ZNF146: variants seen among roughly 807,000 people sequenced by gnomAD.
The protein encoded by ZNF146 is zinc finger protein OZF.
A neutral mutation model predicts 22.2 loss-of-function variants in ZNF146; 9 were observed. The observed-to-expected ratio is 0.41, with a 90% confidence interval of 0.24 to 0.71. The LOEUF (loss-of-function observed/expected upper bound fraction) is 0.71. Ranked by LOEUF, ZNF146 falls within the 30% of genes least tolerant of loss-of-function variation. ZNF146 has a pLI of 0.34. For missense variants in ZNF146, 194 were observed against 344.8 expected (o/e 0.56, Z 3.46); for synonymous variants, 108 against 119.2 (o/e 0.91, Z 0.61).
rs1287567154 is a variant in ZNF146, at chr19:36,238,048, T to G, written c.*729T>G. The G allele has an allele frequency of 6.0e-6, 1 of 167,126 alleles. No individual in the cohort carries two copies. Among genetic ancestry groups the G allele is most frequent in the African/African-American group, 2.4e-5 (1 of 41,468 alleles). The allele number at this position is 167,126 out of a possible 1,614,324, so 10.4% of individuals were successfully genotyped here. ...CTCAGGAAATACGCACTAGGATATTTACTGTGGCTTGATTTGTAGTAGCCA... is the reference window on the plus strand; with the variant it reads ...CTCAGGAAATACGCACTAGGATATTGACTGTGGCTTGATTTGTAGTAGCCA... On this transcript the variant is annotated 3_prime_UTR_variant, in exon 4 of 4. Transcript: ENST00000443387.
chr19:36,228,859 A>C (rs1412572894), intron 3 of ZNF146, 40 bp downstream of exon 3: 1 of 152,318 alleles, frequency 6.6e-6, no homozygotes, highest in Admixed American at 6.5e-5. Flanking sequence ...TTCAGTCAGC[A>C]TTGAGTCCTC....
chr19:36,218,578 G>A (rs558404550), intron 2 of ZNF146, among the ~76,000 whole-genome samples: 1 of 151,158 alleles, frequency 6.6e-6, no homozygotes, highest in East Asian at 1.9e-4. Context: ...CCATTCTCCC[G>A]CCTCAGCCTC....
At chr19:36,216,863 T>TATAATCCCAGCACTTTAG in intron 1 of ZNF146, among the ~76,000 whole-genome samples, 1 of 39,500 alleles carries the variant, frequency 2.5e-5, no homozygotes, top group Non-Finnish European at 5.5e-5. Context: ...GGCTCACACC[T>TATAATCCCAGCACTTTAG]GTGAGCCAAG....
chr19:36,215,579 C>CT (rs1218270935), intron 1 of ZNF146, among the ~76,000 whole-genome samples: 8 of 152,080 alleles, frequency 5.3e-5, no homozygotes, highest in African/African-American at 1.7e-4. Context: ...GGTGGAAAAG[C>CT]TAAGTGGTGA....
chr19:36,236,863 C>G lies in ZNF146; in HGVS notation c.423C>G (p.Ser141=). 1.2e-6 allele frequency: 2 copies of G among 1,613,976 alleles called. No individual in the cohort carries two copies. The highest frequency in any genetic ancestry group is 8.5e-7 in the Non-Finnish European group (1 of 1,179,990). ...KECGKTFSGK[S]NLTEHEKIHI... ...GTGGAAAAACCTTCAGTGGCAAATC[C>G]AACCTTACTGAGCATGAGAAAATCC... The change falls in exon 4 of 4, where the codon TCC becomes TCG. Residue 141 remains serine, a synonymous_variant. Coordinates refer to ENST00000443387, the MANE Select transcript of ZNF146 (RefSeq NM_007145.3).
chr19:36,231,351 AG>A (rs2145443497), intron 3 of ZNF146, among the ~76,000 whole-genome samples: 1 of 152,178 alleles, frequency 6.6e-6, no homozygotes, highest in African/African-American at 2.4e-5. Context: ...CTGGGACTAC[AG>A]GTGCCCACCA....
chr19:36,217,166 G>A (rs1344375960), intron 1 of ZNF146, among the ~76,000 whole-genome samples: 1 of 139,052 alleles, frequency 7.2e-6, no homozygotes, highest in Non-Finnish European at 1.5e-5. Context: ...AGGTTCAAGC[G>A]ATTCTCTTGG....
intron 1 of ZNF146, among the ~76,000 whole-genome samples, chr19:36,216,059 T>C (rs750516719): frequency 1.3e-5 from 2 of 152,194 alleles, no homozygotes; most frequent in African/African-American, 2.4e-5. Context: ...GCTGTCGTCA[T>C]TGACATAGTT....
rs1343889329 is a variant in ZNF146 at position 36,235,664 on chromosome 19, G to T, written c.-777G>T. On this transcript the variant is annotated 5_prime_UTR_variant, in exon 4 of 4. Transcript: ENST00000443387. Reference sequence around the variant, plus strand: ...TTCTTTGTACTCCATTTTAGAAGAAGCCTGAGAAGATGATGCACAGATAGA... The same window carrying T: ...TTCTTTGTACTCCATTTTAGAAGAATCCTGAGAAGATGATGCACAGATAGA... 6.6e-6 allele frequency: 1 copy of T among 152,208 alleles called. No homozygotes were observed. Among genetic ancestry groups the T allele is most frequent in the Non-Finnish European group, 1.5e-5 (1 of 68,056 alleles). 9.4% of individuals were successfully genotyped at this position (152,208 alleles called of 1,614,324 possible). A position where few individuals can be genotyped will look rare whatever the true frequency, so the allele number is the denominator to read the frequency against.
At chr19:36,217,391 G>A (rs1976657071) in intron 1 of ZNF146, among the ~76,000 whole-genome samples, 1 of 151,858 alleles carries the variant, frequency 6.6e-6, no homozygotes, top group South Asian at 2.1e-4. Context: ...AAAGAAAGGA[G>A]AGAGAGAGAA....
intron 3 of ZNF146, among the ~76,000 whole-genome samples, chr19:36,232,609 C>CTTT (rs548903056): frequency 2.1e-5 from 3 of 140,068 alleles, no homozygotes; most frequent in South Asian, 4.5e-4. Flanking sequence ...TTTCTTTTTT[C>CTTT]TTTTTTTTTT....
chr19:36,228,158 CAAAAAAA>C (rs71171422), intron 2 of ZNF146, among the ~76,000 whole-genome samples: 1 of 106,644 alleles, frequency 9.4e-6, no homozygotes, highest in Admixed American at 9.5e-5. Flanking sequence ...GAAACTGTCT[CAAAAAAA>C]AAAAAAAAAA....
At chr19:36,233,339 C>G (rs1489751722) in intron 3 of ZNF146, among the ~76,000 whole-genome samples, 1 of 152,128 alleles carries the variant, frequency 6.6e-6, no homozygotes, top group South Asian at 2.1e-4. Flanking sequence ...GAGATCGCAC[C>G]ACTGCACACC....
chr19:36,221,304 T>TC (rs901864921), intron 2 of ZNF146, among the ~76,000 whole-genome samples: 3 of 148,664 alleles, frequency 2.0e-5, no homozygotes, highest in African/African-American at 7.5e-5. Context: ...TTTTTTTTTT[T>TC]TTGAGACGGA....
intron 3 of ZNF146, among the ~76,000 whole-genome samples, chr19:36,230,664 TG>T (rs1374388808): frequency 6.6e-6 from 1 of 152,030 alleles, no homozygotes; most frequent in African/African-American, 2.4e-5. Flanking sequence ...CAGAGAATAG[TG>T]ATCAGGGCCG....
intron 3 of ZNF146, among the ~76,000 whole-genome samples, chr19:36,229,074 A>G (rs1390111880): frequency 6.6e-6 from 1 of 152,190 alleles, no homozygotes; most frequent in Non-Finnish European, 1.5e-5. Context: ...CTGTGCCGCC[A>G]CTGTGGTGGC....
intron 3 of ZNF146, among the ~76,000 whole-genome samples, chr19:36,233,080 T>C (rs927853007): frequency 2.6e-5 from 4 of 152,228 alleles, no homozygotes; most frequent in African/African-American, 9.6e-5. Context: ...ATATGTATTT[T>C]CTACCAAGAA....
At chr19:36,215,474 G>A (rs1976561272) in intron 1 of ZNF146, among the ~76,000 whole-genome samples, 1 of 152,062 alleles carries the variant, frequency 6.6e-6, no homozygotes, top group African/African-American at 2.4e-5. Context: ...CAGCATTGAG[G>A]TATAACGTTT....
At chr19:36,217,330 T>C (rs1222009889) in intron 1 of ZNF146, among the ~76,000 whole-genome samples, 1 of 151,638 alleles carries the variant, frequency 6.6e-6, no homozygotes, top group African/African-American at 2.4e-5. Context: ...CCCAAAGTGC[T>C]AGGATTACAG....
Sources: gnomAD v4.1 joint callset for allele counts (sites outside exome capture counted in the v4.1 genomes callset) on GRCh38, gnomAD v4.1.1 for gene constraint, MANE v1.5 for transcripts, NCBI Gene and HGNC (gene_info 2026-07-23, HGNC 2026-07-21) for gene names.